The following FAM171A1 variants were observed in gnomAD, a reference collection of about 807,000 sequenced individuals.
FAM171A1 encodes the protein protein FAM171A1.
FAM171A1 carries 23 observed loss-of-function variants against 74.9 expected under a neutral mutation model. The ratio of observed to expected loss-of-function variants is 0.31; its 90% CI spans 0.22 to 0.44. The LOEUF is 0.44. Ranked by LOEUF, FAM171A1 falls within the 20% of genes least tolerant of loss-of-function variation. The pLI, the probability that FAM171A1 is intolerant of heterozygous loss-of-function variation, is 1.00. For missense variants in FAM171A1, 1,162 were observed against 1,159.2 expected (o/e 1.00, Z -0.03); for synonymous variants, 527 against 505.7 (o/e 1.04, Z -0.57).
At chr10:15,311,604 G>A (rs1835360180) in intron 1 of FAM171A1, among the ~76,000 whole-genome samples, 1 of 152,050 alleles carries the variant, frequency 6.6e-6, no homozygotes, top group Non-Finnish European at 1.5e-5. Flanking sequence ...ATTCTTCTGG[G>A]TGGCTTAGTA....
At chr10:15,332,499 G>A (rs551065359) in intron 1 of FAM171A1, among the ~76,000 whole-genome samples, 66 of 152,248 alleles carry the variant, frequency 4.3e-4, no homozygotes, top group African/African-American at 1.5e-3. Flanking sequence ...GTTCTGGGGC[G>A]CTGCTTGGCA....
At chr10:15,364,584 C>A (rs1352865615) in intron 1 of FAM171A1, among the ~76,000 whole-genome samples, 1 of 152,192 alleles carries the variant, frequency 6.6e-6, no homozygotes, top group African/African-American at 2.4e-5. Context: ...GCTGCCATAA[C>A]AAATTATCAA....
At chr10:15,351,812 T>A (rs1835883626) in intron 1 of FAM171A1, among the ~76,000 whole-genome samples, 1 of 151,988 alleles carries the variant, frequency 6.6e-6, no homozygotes, top group Non-Finnish European at 1.5e-5. Context: ...TCAACACTTC[T>A]AGGGCCAAGG....
In FAM171A1 at chr10:15,308,962, G is replaced by A. The variant is rs190848860; in HGVS notation, c.98-24857C>T. Among the ~76,000 whole-genome samples, 13 of 152,018 alleles carry A rather than the reference G, an allele frequency of 8.6e-5. No homozygotes were observed. The East Asian group carries it at 2.1e-3, about 25-fold the overall frequency. On this transcript the variant is annotated intron_variant, in intron 1 of 7. Coordinates refer to ENST00000378116, the MANE Select transcript of FAM171A1 (RefSeq NM_001010924.2). Reference sequence around the variant, plus strand: ...ATTACAGACGTGAGCCACTGCAGCCGGCTGACAAAGCCTATTTTAATCAGT... The same window carrying A: ...ATTACAGACGTGAGCCACTGCAGCCAGCTGACAAAGCCTATTTTAATCAGT...
chr10:15,263,272 G>T (rs1834685563), intron 3 of FAM171A1, among the ~76,000 whole-genome samples: 1 of 152,128 alleles, frequency 6.6e-6, no homozygotes, highest in Non-Finnish European at 1.5e-5. Flanking sequence ...GGCTCCCCCA[G>T]TCTCATCTCC....
chr10:15,275,167 G>C (rs1032300208), intron 3 of FAM171A1, among the ~76,000 whole-genome samples: 6 of 151,960 alleles, frequency 3.9e-5, no homozygotes, highest in African/African-American at 1.5e-4. Flanking sequence ...CGAGTTAATG[G>C]GTGCAGTACA....
At chr10:15,309,117 T>C (rs1835329595) in intron 1 of FAM171A1, among the ~76,000 whole-genome samples, 1 of 152,354 alleles carries the variant, frequency 6.6e-6, no homozygotes, top group Admixed American at 6.5e-5. Context: ...CATTTCTTAC[T>C]ATGTAATCTG....
intron 1 of FAM171A1, among the ~76,000 whole-genome samples, chr10:15,284,691 A>C (rs1482088271): frequency 6.6e-6 from 1 of 152,180 alleles, no homozygotes; most frequent in East Asian, 1.9e-4. Flanking sequence ...CTGAGGTTAC[A>C]GGTGTGCCCC....
At chr10:15,280,066 G>A (rs1305783753) in intron 2 of FAM171A1, among the ~76,000 whole-genome samples, 1 of 152,110 alleles carries the variant, frequency 6.6e-6, no homozygotes, top group Admixed American at 6.6e-5. Context: ...CAGCCTGGGT[G>A]ACAGAGTGAG....
chr10:15,324,246 T>C (rs925581292), intron 1 of FAM171A1, among the ~76,000 whole-genome samples: 8 of 152,112 alleles, frequency 5.3e-5, no homozygotes, highest in Non-Finnish European at 1.0e-4. Context: ...ACTTCCTTCC[T>C]TTCTCCGTCT....
At chr10:15,230,057 T>G (rs1834185227) in intron 5 of FAM171A1, among the ~76,000 whole-genome samples, 1 of 152,120 alleles carries the variant, frequency 6.6e-6, no homozygotes, top group Non-Finnish European at 1.5e-5. Flanking sequence ...CATAAGTTCC[T>G]ACCAACTGTA....
chr10:15,234,769 C>T (rs998782284), intron 5 of FAM171A1, among the ~76,000 whole-genome samples: 6 of 152,008 alleles, frequency 3.9e-5, no homozygotes, highest in Non-Finnish European at 7.4e-5. Flanking sequence ...TCTCTTGCCT[C>T]TGCCTCCCGA....
At chr10:15,230,543 G>A (rs1211355523) in intron 5 of FAM171A1, among the ~76,000 whole-genome samples, 1 of 152,166 alleles carries the variant, frequency 6.6e-6, no homozygotes, top group African/African-American at 2.4e-5. Context: ...TGAATGTGTT[G>A]AATATTAGAA....
At chr10:15,266,883 AAAAG>A (rs1443247017) in intron 3 of FAM171A1, among the ~76,000 whole-genome samples, 3 of 151,600 alleles carry the variant, frequency 2.0e-5, no homozygotes, top group Non-Finnish European at 4.4e-5. Flanking sequence ...AAAAAAAAAA[AAAAG>A]AGAGAGAGAA....
chr10:15,313,518 C>T (rs1353275710), intron 1 of FAM171A1, among the ~76,000 whole-genome samples: 5 of 152,076 alleles, frequency 3.3e-5, no homozygotes, highest in African/African-American at 9.7e-5. Context: ...ATATATAAAC[C>T]GTGGACTGCC....
chr10:15,232,663 C>T (rs1385011857), intron 5 of FAM171A1, among the ~76,000 whole-genome samples: 1 of 152,206 alleles, frequency 6.6e-6, no homozygotes, highest in Non-Finnish European at 1.5e-5. Flanking sequence ...AAACAAAATA[C>T]ATCTGGAAAC....
At chr10:15,287,089 T>C (rs1024676503) in intron 1 of FAM171A1, among the ~76,000 whole-genome samples, 1 of 138,804 alleles carries the variant, frequency 7.2e-6, no homozygotes, top group Non-Finnish European at 1.6e-5. Flanking sequence ...CATTTTCTTC[T>C]TCTTTTTTTT....
chr10:15,241,420 G>T (rs1381276726), intron 5 of FAM171A1: 2 of 152,126 alleles, frequency 1.3e-5, no homozygotes, highest in African/African-American at 4.8e-5. Flanking sequence ...TTTTTGGTTT[G>T]TGGGGATATA....
chr10:15,234,996 C>A (rs1834264988), intron 5 of FAM171A1, among the ~76,000 whole-genome samples: 1 of 151,846 alleles, frequency 6.6e-6, no homozygotes. Context: ...AACTGCCAGG[C>A]AGAAAAAGGA....
Sources: gnomAD v4.1 joint callset for allele counts (sites outside exome capture counted in the v4.1 genomes callset) on GRCh38, gnomAD v4.1.1 for gene constraint, MANE v1.5 for transcripts, NCBI Gene and HGNC (gene_info 2026-07-23, HGNC 2026-07-21) for gene names.